The following MYH9 variants were observed in gnomAD, a reference collection of about 807,000 sequenced individuals.
The protein encoded by MYH9 is myosin-9.
MYH9 carries 29 observed loss-of-function variants against 241.9 expected under a neutral mutation model. The observed-to-expected ratio is 0.12, with a 90% confidence interval of 0.09 to 0.16. The LOEUF is 0.16. Ranked by LOEUF, MYH9 falls within the 10% of genes least tolerant of loss-of-function variation. MYH9 has a pLI of 1.00. For missense variants in MYH9, 1,803 were observed against 2,595.5 expected (o/e 0.69, Z 6.63); for synonymous variants, 1,047 against 1,062.6 (o/e 0.99, Z 0.29).
At chr22:36,331,084 G>T (rs2017413086) in intron 3 of MYH9, among the ~76,000 whole-genome samples, 1 of 152,184 alleles carries the variant, frequency 6.6e-6, no homozygotes, top group Non-Finnish European at 1.5e-5. Context: ...ACAACCACTA[G>T]TCCATGTGTC....
At chr22:36,386,460 C>T (rs561896695) in intron 1 of MYH9, among the ~76,000 whole-genome samples, 1 of 152,330 alleles carries the variant, frequency 6.6e-6, no homozygotes, top group Non-Finnish European at 1.5e-5. Context: ...CAAACACTGG[C>T]CCAGACAGTG....
intron 1 of MYH9, among the ~76,000 whole-genome samples, chr22:36,361,012 G>A (rs967841822): frequency 7.2e-5 from 11 of 152,306 alleles, no homozygotes; most frequent in Middle Eastern, 3.4e-3. Context: ...GTTATCTACA[G>A]GGTGGGTCAA....
intron 19 of MYH9, 61 bp downstream of exon 19, chr22:36,303,934 T>C (rs1012785899): frequency 1.1e-5 from 18 of 1,597,588 alleles, no homozygotes; most frequent in Non-Finnish European, 1.5e-5. Flanking sequence ...AAGTGCCCTT[T>C]GGCAACAGAA....
intron 24 of MYH9, among the ~76,000 whole-genome samples, chr22:36,298,348 G>C (rs543260225): frequency 6.6e-6 from 1 of 152,074 alleles, no homozygotes. Flanking sequence ...CACAGATCCC[G>C]AGGGCACACA....
At chr22:36,352,556 C>G (rs565915979) in intron 1 of MYH9, among the ~76,000 whole-genome samples, 1 of 152,342 alleles carries the variant, frequency 6.6e-6, no homozygotes, top group South Asian at 2.1e-4. Context: ...TGGAGGGTCA[C>G]AAACATCACA....
intron 9 of MYH9, 87 bp from the exon 10 acceptor site, chr22:36,319,722 A>C: frequency 7.7e-7 from 1 of 1,290,998 alleles, no homozygotes. Flanking sequence ...GGGATCCTCA[A>C]GCCAGACAAG....
rs1462668384 is a variant in MYH9, at chr22:36,299,041, T to G, written c.2978A>C (p.Glu993Ala). Residue 993 changes from glutamate (E) to alanine (A), a missense_variant and splice_region_variant, in exon 24 of 41, where the codon GAA becomes GCA. Physicochemically the swap from Glu to Ala is moderately radical, Grantham distance 107. Transcript: ENST00000216181. Reference sequence around the variant, plus strand: ...TATTCTGTCTTCCAGCAGTTTCTTTTCCTGGGGAGAGGGGAGTAGGCTGGC... The same window carrying G: ...TATTCTGTCTTCCAGCAGTTTCTTTGCCTGGGGAGAGGGGAGTAGGCTGGC... ...LEDQNCKLAK[E>A]KKLLEDRIAE... 6.2e-7 allele frequency: 1 copy of G among 1,613,944 alleles called. No individual in the cohort carries two copies. The highest frequency in any genetic ancestry group is 2.2e-5 in the East Asian group (1 of 44,884).
At position 36,288,136 on chromosome 22, in the gene MYH9, T is replaced by C; in HGVS notation, c.4932+116A>G. 8.4e-6 allele frequency: 11 copies of C among 1,312,374 alleles called. No individual in the cohort carries two copies. The highest frequency in any genetic ancestry group is 1.2e-5 in the Non-Finnish European group (11 of 925,896). 81.3% of individuals were successfully genotyped at this position (1,312,374 alleles called of 1,614,324 possible). On this transcript the variant is annotated intron_variant, in intron 34 of 40. Coordinates refer to ENST00000216181, the MANE Select transcript of MYH9 (RefSeq NM_002473.6). The surrounding 1 kb of genome is among the most constrained non-coding windows in gnomAD (Gnocchi z 4.8). ...GATGGGGCTGGAAGCACCCAGGACC[T>C]TCCCAGGAGGTGCCACCCTGCCAGG...
intron 3 of MYH9, among the ~76,000 whole-genome samples, chr22:36,334,703 G>A (rs2017472330): frequency 6.6e-6 from 1 of 152,206 alleles, no homozygotes; most frequent in Admixed American, 6.5e-5. Flanking sequence ...TCCGTGGAAG[G>A]CGGGGCAGTT....
chr22:36,302,439 A>C, intron 20 of MYH9, 129 bp downstream of exon 20: 2 of 779,408 alleles, frequency 2.6e-6, no homozygotes, highest in Non-Finnish European at 2.2e-6. Context: ...CTGGAGCCCA[A>C]GAGTTTGTGA....
intron 3 of MYH9, among the ~76,000 whole-genome samples, chr22:36,338,943 C>T (rs1030568195): frequency 2.6e-5 from 4 of 152,146 alleles, no homozygotes; most frequent in African/African-American, 7.2e-5. Context: ...CACAGATGTA[C>T]GAGGGTGGCC....
chr22:36,348,545 T>A (rs1449787194), intron 2 of MYH9, among the ~76,000 whole-genome samples: 5 of 151,360 alleles, frequency 3.3e-5, no homozygotes, highest in African/African-American at 1.2e-4. Flanking sequence ...TAAATTAAAT[T>A]AAAAAAGAAG....
intron 1 of MYH9, among the ~76,000 whole-genome samples, chr22:36,384,961 A>G (rs2018329195): frequency 6.6e-6 from 1 of 151,998 alleles, no homozygotes; most frequent in Admixed American, 6.6e-5. Context: ...CCAGGGTCTC[A>G]GCACACCAAG....
At chr22:36,331,002 G>A (rs1218969345) in intron 3 of MYH9, among the ~76,000 whole-genome samples, 1 of 152,138 alleles carries the variant, frequency 6.6e-6, no homozygotes, top group African/African-American at 2.4e-5. Context: ...TCCTTCCTCA[G>A]ATAAAATCTT....
rs866288067 is a variant in MYH9 at position 36,318,808 on chromosome 22, G to A, written c.1109-483C>T. 3.7e-4 allele frequency among the ~76,000 whole-genome samples: 56 copies of A among 152,044 alleles called. 1 individual carries two copies. The highest frequency in any genetic ancestry group is 6.8e-3 in the Middle Eastern group (2 of 294). ...GACGGCGTCTTGCTCTTGTTGCCCA[G>A]GCTGGAGTGCAGTGGCGCGATTTCG... On this transcript the variant is annotated intron_variant, in intron 10 of 40. Transcript: ENST00000216181.
chr22:36,380,147 C>A (rs1215263541), intron 1 of MYH9, among the ~76,000 whole-genome samples: 1 of 152,194 alleles, frequency 6.6e-6, no homozygotes, highest in Non-Finnish European at 1.5e-5. Context: ...GGCTGCCTTG[C>A]AGGACCTCAG....
intron 5 of MYH9, among the ~76,000 whole-genome samples, chr22:36,325,719 T>C (rs560424011): frequency 6.6e-6 from 1 of 152,294 alleles, no homozygotes; most frequent in Non-Finnish European, 1.5e-5. Context: ...GCATGGGACA[T>C]GACAGCTATG....
chr22:36,318,435 G>C, intron 10 of MYH9, 110 bp from the exon 11 acceptor site: 2 of 934,372 alleles, frequency 2.1e-6, no homozygotes, highest in South Asian at 2.6e-5. Context: ...CTTGGGAGCA[G>C]AGAGGAAGAA....
chr22:36,340,432 G>C (rs1000438003), intron 3 of MYH9, among the ~76,000 whole-genome samples: 1 of 151,820 alleles, frequency 6.6e-6, no homozygotes, highest in Non-Finnish European at 1.5e-5. Context: ...AGGCCGAGGT[G>C]GGTGGATCAC....
Sources: allele counts gnomAD v4.1 joint callset (sites outside exome capture counted in the v4.1 genomes callset), GRCh38; gene constraint gnomAD v4.1.1; non-coding constraint Gnocchi (gnomAD v3.1); transcripts MANE v1.5; gene names NCBI Gene and HGNC (gene_info 2026-07-23, HGNC 2026-07-21).